The following PCSK5 variants were observed in gnomAD, a reference collection of about 807,000 sequenced individuals.
The protein encoded by PCSK5 is prohormone convertase 5.
PCSK5 carries 129 observed loss-of-function variants against 233.2 expected under a neutral mutation model. The ratio of observed to expected loss-of-function variants is 0.55; its 90% CI spans 0.48 to 0.64. The LOEUF (loss-of-function observed/expected upper bound fraction) is 0.64, where lower values mean the gene tolerates loss of function less well. PCSK5 is among the 30% of genes least tolerant of loss of function. The probability of loss-of-function intolerance (pLI) is 0.00; values close to 1 mark genes in which losing one functional copy is unlikely to be tolerated. For synonymous variants in PCSK5, 825 were observed against 879.2 expected, an observed-to-expected ratio of 0.94 and a Z score of 1.09; for missense variants, 2,076 against 2,430.1, an observed-to-expected ratio of 0.85 and a Z score of 3.06.
In PCSK5 at chr9:76,351,517, AAAGAAAGAAAGAAAGG is replaced by A. The variant is rs1399927176; in HGVS notation, c.5067+593_5067+608del. ...GAAAGAAAGAAAGAAAGAAAGAAAGAAAGAAAGAAAGAAAGGAAGGAAAGAAAGAGAAAGAAGAGAG... is the reference window on the plus strand; with the variant it reads ...GAAAGAAAGAAAGAAAGAAAGAAAGAAAGGAAAGAAAGAGAAAGAAGAGAG... On this transcript the variant is annotated intron_variant, in intron 36 of 37. Coordinates refer to ENST00000674117, the MANE Select transcript of PCSK5 (RefSeq NM_001372043.1). Among the ~76,000 whole-genome samples the A allele has an allele frequency of 1.2e-3, 143 of 122,206 alleles. 14 individuals are homozygous for A. The highest frequency in any genetic ancestry group is 3.8e-3 in the African/African-American group (128 of 33,554). The allele number at this position is 122,206 out of a possible 152,430, so 80.2% of individuals were successfully genotyped here. A position where few individuals can be genotyped will look rare whatever the true frequency, so the allele number is the denominator to read the frequency against.
chr9:75,906,504 C>T (rs991005065), intron 1 of PCSK5, among the ~76,000 whole-genome samples: 1 of 152,132 alleles, frequency 6.6e-6, no homozygotes, highest in Non-Finnish European at 1.5e-5. Flanking sequence ...GGATTACAGG[C>T]GTGAGTCACT....
At chr9:76,076,529 A>G (rs1006941390) in intron 7 of PCSK5, among the ~76,000 whole-genome samples, 1 of 152,228 alleles carries the variant, frequency 6.6e-6, no homozygotes, top group African/African-American at 2.4e-5. Context: ...GCAGCAATAG[A>G]TAAGCCCAAG....
chr9:76,266,417 A>G (rs1827334489), intron 24 of PCSK5, among the ~76,000 whole-genome samples: 1 of 152,218 alleles, frequency 6.6e-6, no homozygotes, highest in Non-Finnish European at 1.5e-5. Flanking sequence ...TCAATCACAG[A>G]GGTCTCCAAA....
intron 7 of PCSK5, among the ~76,000 whole-genome samples, chr9:76,093,580 T>A (rs910615047): frequency 6.9e-6 from 1 of 144,882 alleles, no homozygotes; most frequent in Admixed American, 6.8e-5. Flanking sequence ...TATATATATA[T>A]ATACACACAC....
chr9:76,084,154 G>A (rs1830968413), intron 7 of PCSK5, among the ~76,000 whole-genome samples: 1 of 152,144 alleles, frequency 6.6e-6, no homozygotes, highest in African/African-American at 2.4e-5. Context: ...GCTAAGACTT[G>A]GTTTGCCGAG....
intron 9 of PCSK5, among the ~76,000 whole-genome samples, chr9:76,131,260 CTAGCAA>C (rs1272373346): frequency 6.6e-6 from 1 of 152,110 alleles, no homozygotes; most frequent in Non-Finnish European, 1.5e-5. Context: ...TCTCTGGATT[CTAGCAA>C]TAAATAAACC....
chr9:76,315,237 A>G (rs1828991453), intron 30 of PCSK5, among the ~76,000 whole-genome samples: 1 of 152,232 alleles, frequency 6.6e-6, no homozygotes, highest in East Asian at 1.9e-4. Context: ...TACAGGCATG[A>G]GCCACTGTGA....
At chr9:75,978,310 A>G (rs1403331153) in intron 2 of PCSK5, among the ~76,000 whole-genome samples, 1 of 152,228 alleles carries the variant, frequency 6.6e-6, no homozygotes, top group African/African-American at 2.4e-5. Context: ...TTTTGCCCCA[A>G]GCCAGCCGTG....
At chr9:75,978,879 T>C (rs952713386) in intron 2 of PCSK5, among the ~76,000 whole-genome samples, 7 of 148,476 alleles carry the variant, frequency 4.7e-5, no homozygotes, top group African/African-American at 1.7e-4. Flanking sequence ...CTTTTTTTTT[T>C]CTTTTTTTCT....
At chr9:75,969,815 A>G (rs950245199) in intron 2 of PCSK5, among the ~76,000 whole-genome samples, 1 of 151,474 alleles carries the variant, frequency 6.6e-6, no homozygotes, top group East Asian at 1.9e-4. Context: ...AGGTCACCCT[A>G]CTTTGCACTG....
At chr9:76,332,841 A>G (rs190580636) in intron 34 of PCSK5, among the ~76,000 whole-genome samples, 3 of 152,330 alleles carry the variant, frequency 2.0e-5, no homozygotes, top group East Asian at 3.9e-4. Flanking sequence ...GACTCACCTG[A>G]GCAATTGATC....
At chr9:76,071,341 T>C (rs1341361470) in intron 6 of PCSK5, among the ~76,000 whole-genome samples, 2 of 152,134 alleles carry the variant, frequency 1.3e-5, no homozygotes, top group Non-Finnish European at 2.9e-5. Context: ...TAAGGTTAGA[T>C]AGAATGTTTT....
At chr9:76,052,166 C>G (rs1829653981) in intron 5 of PCSK5, among the ~76,000 whole-genome samples, 1 of 152,134 alleles carries the variant, frequency 6.6e-6, no homozygotes, top group Non-Finnish European at 1.5e-5. Context: ...ACAGGAAGCT[C>G]TCATACACTA....
At chr9:76,289,517 T>G in intron 24 of PCSK5, among the ~76,000 whole-genome samples, 1 of 119,464 alleles carries the variant, frequency 8.4e-6, no homozygotes, top group African/African-American at 3.2e-5. Flanking sequence ...ACACGCAACA[T>G]ACACACACAC....
chr9:76,272,773 C>CAAAAAAAACA (rs1827560329), intron 24 of PCSK5, among the ~76,000 whole-genome samples: 1 of 49,952 alleles, frequency 2.0e-5, no homozygotes. Flanking sequence ...GACTCCATCT[C>CAAAAAAAACA]AAAAAAAAAA....
At chr9:76,177,240 G>C (rs1443417469) in intron 14 of PCSK5, among the ~76,000 whole-genome samples, 1 of 152,080 alleles carries the variant, frequency 6.6e-6, no homozygotes, top group African/African-American at 2.4e-5. Flanking sequence ...GTTGTAGTGA[G>C]CCGGGATCGT....
chr9:76,075,609 TAAAG>T (rs1027129631), intron 7 of PCSK5, among the ~76,000 whole-genome samples: 13 of 152,130 alleles, frequency 8.5e-5, no homozygotes, highest in Admixed American at 7.9e-4. Flanking sequence ...TTGTCAAAGA[TAAAG>T]AAAATAATTG....
intron 30 of PCSK5, among the ~76,000 whole-genome samples, chr9:76,313,849 T>G (rs1412120449): frequency 6.6e-6 from 1 of 151,842 alleles, no homozygotes; most frequent in Non-Finnish European, 1.5e-5. Context: ...TAGCAAAGGG[T>G]CAGAGTAAGA....
chr9:76,174,310 T>A (rs887482868), intron 13 of PCSK5, among the ~76,000 whole-genome samples: 73 of 140,104 alleles, frequency 5.2e-4, no homozygotes, highest in Non-Finnish European at 8.8e-4. Context: ...CAAAAAAAAA[T>A]TTTTTTTTTT....
Sources: allele counts gnomAD v4.1 joint callset (sites outside exome capture counted in the v4.1 genomes callset), GRCh38; gene constraint gnomAD v4.1.1; transcripts MANE v1.5; gene names NCBI Gene and HGNC (gene_info 2026-07-23, HGNC 2026-07-21).